Variants in ZNF7 observed in about 807,000 individuals in gnomAD.
The protein encoded by ZNF7 is zinc finger protein 7.
In ZNF7, 10 loss-of-function variants were observed where a neutral mutation model predicts 12.0. That is an observed-to-expected ratio of 0.83 (90% CI 0.51 to 1.42). The LOEUF is 1.42. Among genes scored for constraint, ZNF7 ranks in the 40% most tolerant of loss-of-function variants. The probability of loss-of-function intolerance (pLI) is 0.00; values close to 1 mark genes in which losing one functional copy is unlikely to be tolerated. For missense variants in ZNF7, 854 were observed against 837.2 expected (o/e 1.02, Z -0.25); for synonymous variants, 334 against 295.0 (o/e 1.13, Z -1.35).
intron 2 of ZNF7, 62 bp downstream of exon 2, chr8:144,829,152 C>T: frequency 6.2e-7 from 1 of 1,609,882 alleles, no homozygotes; most frequent in Non-Finnish European, 8.5e-7. Context: ...TCCTGCTCTG[C>T]CCACTGGCCC....
intron 3 of ZNF7, among the ~76,000 whole-genome samples, chr8:144,832,509 A>C (rs1828556206): frequency 6.6e-6 from 1 of 151,774 alleles, no homozygotes; most frequent in Non-Finnish European, 1.5e-5. Flanking sequence ...CGGGCAGATC[A>C]CCTGAGGTCA....
Position 144,829,517 on chromosome 8 carries a change from C to G in ZNF7, c.43C>G (p.Arg15Gly), listed in dbSNP as rs777836248. ...TFGDVAVHFSREEWQCLDPGQ... is the reference protein window; with the variant it reads ...TFGDVAVHFSGEEWQCLDPGQ... ...TGGCGATGTGGCTGTGCACTTCTCT[C>G]GGGAGGAGTGGCAGTGTCTGGACCC... The change falls in exon 3 of 5, where the codon CGG becomes GGG. Residue 15 changes from arginine to glycine, a missense_variant. Arg to Gly is a moderately radical substitution (Grantham distance 125). Transcript: ENST00000532777. 1 of 1,614,164 alleles carries G rather than the reference C, an allele frequency of 6.2e-7. No homozygotes were observed. Among genetic ancestry groups the G allele is most frequent in the Non-Finnish European group, 8.5e-7 (1 of 1,180,010 alleles).
chr8:144,837,170 G>T (rs933686910), intron 3 of ZNF7: 1 of 386,872 alleles, frequency 2.6e-6, no homozygotes, highest in Non-Finnish European at 4.7e-6. Flanking sequence ...TGGGAGTCAG[G>T]TATCCCTTGC....
chr8:144,842,135 T>G lies in ZNF7; in HGVS notation c.1028T>G (p.Phe343Cys), dbSNP rs1830011706. 1 of 1,613,988 alleles carries G rather than the reference T, an allele frequency of 6.2e-7. No individual in the cohort carries two copies. Among genetic ancestry groups the G allele is most frequent in the Admixed American group, 1.7e-5 (1 of 59,996 alleles). The change falls in exon 5 of 5, where the codon TTC (phenylalanine) becomes TGC (cysteine). Residue 343 changes from phenylalanine to cysteine, a missense_variant. By Grantham distance (205) the Phe-to-Cys change is radical (BLOSUM62 -2). Transcript: ENST00000532777. ...GGTTGTCGTGAGTGTGGGAAAGCCTTCAGCCAGCAGTCGCAGCTGGTTAGA... is the reference window on the plus strand; with the variant it reads ...GGTTGTCGTGAGTGTGGGAAAGCCTGCAGCCAGCAGTCGCAGCTGGTTAGA... ...PYGCRECGKA[F>C]SQQSQLVRHQ...
At chr8:144,846,987 C>G (rs756436007), downstream of ZNF7, 4 of 152,274 alleles carry the variant, frequency 2.6e-5, no homozygotes, top group African/African-American at 4.8e-5. Flanking sequence ...CGTGAGCCAC[C>G]ATGCCGAGCT....
chr8:144,828,833 A>G (rs1828102350), intron 1 of ZNF7: 1 of 620,936 alleles, frequency 1.6e-6, no homozygotes, highest in Non-Finnish European at 2.8e-6. Flanking sequence ...TGAGTCACAC[A>G]TGCCACACAC....
At chr8:144,835,599 T>C (rs547386749) in intron 3 of ZNF7, 2 of 152,362 alleles carry the variant, frequency 1.3e-5, no homozygotes, top group East Asian at 3.9e-4. Context: ...GGTTTTGTCA[T>C]CAGTCATATT....
At chr8:144,836,576 C>T (rs1482814825) in intron 3 of ZNF7, 1 of 152,222 alleles carries the variant, frequency 6.6e-6, no homozygotes, top group Non-Finnish European at 1.5e-5. Context: ...TTCTTTGTTC[C>T]ACATGTACTT....
Position 144,841,668 on chromosome 8 carries a change from G to C in ZNF7, c.561G>C (p.Gln187His). The change falls in exon 5 of 5, where the codon CAG becomes CAC. Residue 187 changes from glutamine to histidine, a missense_variant. Transcript: ENST00000532777. ...SGLDCQPLES[Q>H]GESAEGMSQR... ...TGGATTGTCAGCCTCTTGAAAGTCA[G>C]GGAGAGAGTGCGGAAGGGATGTCCC... 1.2e-6 allele frequency: 2 copies of C among 1,610,616 alleles called. No homozygotes were observed. Among genetic ancestry groups the C allele is most frequent in the Non-Finnish European group, 1.7e-6 (2 of 1,177,548 alleles).
At chr8:144,841,161 A>T in intron 4 of ZNF7, 194 bp from the exon 5 acceptor site, 2 of 620,342 alleles carry the variant, frequency 3.2e-6, no homozygotes, top group Middle Eastern at 4.5e-4. Flanking sequence ...CGAATGAGTG[A>T]ACAAGGTAAA....
Position 144,841,648 on chromosome 8 carries a change from T to C in ZNF7, c.541T>C (p.Cys181Arg), listed in dbSNP as rs139610230. The change falls in exon 5 of 5, where the codon TGT (cysteine) becomes CGT (arginine). Residue 181 changes from cysteine to arginine, a missense_variant. Physicochemically the swap from Cys to Arg is radical, Grantham distance 180 (BLOSUM62 -3). Coordinates refer to ENST00000532777, the MANE Select transcript of ZNF7 (RefSeq NM_003416.4). ...CKELGSSGLD[C>R]QPLESQGESA... ...GGAGCTGGGAAGCAGCGGCCTGGAT[T>C]GTCAGCCTCTTGAAAGTCAGGGAGA... The C allele has an allele frequency of 4.3e-6, 7 of 1,614,164 alleles. No homozygotes were observed. In the Admixed American group the frequency reaches 6.7e-5, roughly 15 times the overall value.
chr8:144,843,328 G>GC lies in ZNF7; in HGVS notation c.*162dup. 1.1e-6 allele frequency: 1 copy of GC among 872,020 alleles called. No homozygotes were observed. The highest frequency in any genetic ancestry group is 2.1e-5 in the South Asian group (1 of 47,600). 54.0% of individuals were successfully genotyped at this position (872,020 alleles called of 1,614,324 possible). A position where few individuals can be genotyped will look rare whatever the true frequency, so the allele number is the denominator to read the frequency against. ...CTTCAGGCCGAGTGTGGTGGCTTAT[G>GC]CCTGTCATCCCAGCACTTTGGGAGG... On this transcript the variant is annotated 3_prime_UTR_variant, in exon 5 of 5. Coordinates refer to ENST00000532777, the MANE Select transcript of ZNF7 (RefSeq NM_003416.4).
downstream of ZNF7, among the ~76,000 whole-genome samples, chr8:144,845,636 G>A (rs192861516): frequency 1.3e-5 from 2 of 152,244 alleles, no homozygotes; most frequent in African/African-American, 4.8e-5. Flanking sequence ...ACAGGCATGA[G>A]GCCAACTGTA....
At chr8:144,836,735 C>G (rs1030882893) in intron 3 of ZNF7, 5 of 152,378 alleles carry the variant, frequency 3.3e-5, no homozygotes, top group African/African-American at 1.2e-4. Flanking sequence ...GAGGCCTTGG[C>G]TGGCCCATGG....
chr8:144,829,492 T>C lies in ZNF7; in HGVS notation c.18T>C (p.Phe6=), dbSNP rs1359835097. MEVVT[F]GDVAVHFSRE... ...TGTCCTTTCAGGAGGTGGTAACATT[T>C]GGCGATGTGGCTGTGCACTTCTCTC... Residue 6 remains phenylalanine, a synonymous_variant, in exon 3 of 5, where the codon TTT becomes TTC. Coordinates refer to ENST00000532777, the MANE Select transcript of ZNF7 (RefSeq NM_003416.4). 1 of 1,613,960 alleles carries C rather than the reference T, an allele frequency of 6.2e-7. No individual in the cohort carries two copies. The highest frequency in any genetic ancestry group is 1.3e-5 in the African/African-American group (1 of 74,928).
intron 3 of ZNF7, among the ~76,000 whole-genome samples, chr8:144,832,489 G>A (rs1445321771): frequency 6.6e-6 from 1 of 151,134 alleles, no homozygotes; most frequent in Admixed American, 6.6e-5. Flanking sequence ...AGCACTTTGG[G>A]AGGCCGAGGC....
chr8:144,837,870 C>T (rs900823721), intron 4 of ZNF7: 1 of 557,618 alleles, frequency 1.8e-6, no homozygotes, highest in Non-Finnish European at 3.2e-6. Flanking sequence ...AGTAACCTCT[C>T]CTCGGGTAAG....
chr8:144,846,132 A>G, downstream of ZNF7: 1 of 1,536,350 alleles, frequency 6.5e-7, no homozygotes, highest in Non-Finnish European at 8.7e-7. Context: ...TTCCTGGTTC[A>G]TGATCAGGAC....
chr8:144,844,709 C>CAAAAAAAAA (rs71320849), downstream of ZNF7, among the ~76,000 whole-genome samples: 45 of 88,634 alleles, frequency 5.1e-4, 2 homozygotes, highest in African/African-American at 1.9e-3. Flanking sequence ...GACTCTGTAT[C>CAAAAAAAAA]AAAAAAAAAA....
Sources: allele counts gnomAD v4.1 joint callset (sites outside exome capture counted in the v4.1 genomes callset), GRCh38; gene constraint gnomAD v4.1.1; transcripts MANE v1.5; gene names NCBI Gene and HGNC (gene_info 2026-07-23, HGNC 2026-07-21).